PROS1: variants seen among roughly 807,000 people sequenced by gnomAD.
The protein encoded by PROS1 is vitamin K-dependent protein S.
PROS1 carries 29 observed loss-of-function variants against 75.9 expected under a neutral mutation model. The ratio of observed to expected loss-of-function variants is 0.38; its 90% CI spans 0.28 to 0.52. PROS1 has a LOEUF of 0.52. PROS1 is among the 20% of genes least tolerant of loss of function. The probability of loss-of-function intolerance (pLI) is 0.83; values close to 1 mark genes in which losing one functional copy is unlikely to be tolerated. For missense variants in PROS1, 680 were observed against 810.3 expected, an observed-to-expected ratio of 0.84 and a Z score of 1.95; for synonymous variants, 245 against 280.6, an observed-to-expected ratio of 0.87 and a Z score of 1.27.
At position 93,965,291 on chromosome 3, in the gene PROS1, C is replaced by T. The variant is rs139283875; in HGVS notation, c.76+8383G>A. On this transcript the variant is annotated intron_variant, in intron 1 of 14. Coordinates refer to ENST00000394236, the MANE Select transcript of PROS1 (RefSeq NM_000313.4). ...CTCGCCGTCCACAACTGCTGTTTGC[C>T]GCCGTCGCAGACCCGCTGCTGACTC... Among the ~76,000 whole-genome samples, 819 of 152,300 alleles carry T rather than the reference C, an allele frequency of 5.4e-3. 4 individuals are homozygous for T. Among genetic ancestry groups the T allele is most frequent in the Middle Eastern group, 0.014 (4 of 294 alleles).
chr3:93,898,783 C>CA (rs1223566107), intron 7 of PROS1, among the ~76,000 whole-genome samples: 2 of 151,612 alleles, frequency 1.3e-5, no homozygotes, highest in Non-Finnish European at 2.9e-5. Context: ...ATATTTGAAA[C>CA]AAAAATTAAT....
intron 1 of PROS1, among the ~76,000 whole-genome samples, chr3:93,958,025 T>G (rs1331350867): frequency 6.6e-6 from 1 of 151,710 alleles, no homozygotes; most frequent in African/African-American, 2.4e-5. Flanking sequence ...GAAGCGGAGG[T>G]TGCAGTGAGC....
chr3:93,956,010 T>C (rs187275344), intron 1 of PROS1, among the ~76,000 whole-genome samples: 57 of 152,288 alleles, frequency 3.7e-4, no homozygotes, highest in Admixed American at 2.1e-3. Context: ...TCAATTCCCA[T>C]GGTTTTGCTT....
chr3:93,899,157 T>C (rs1050436250), intron 7 of PROS1, among the ~76,000 whole-genome samples: 1 of 151,926 alleles, frequency 6.6e-6, no homozygotes, highest in Admixed American at 6.6e-5. Context: ...TGTTTTTTTT[T>C]TTTTAAAAAA....
chr3:93,938,428 C>A (rs190473709), intron 1 of PROS1, among the ~76,000 whole-genome samples: 1 of 152,150 alleles, frequency 6.6e-6, no homozygotes, highest in Admixed American at 6.5e-5. Flanking sequence ...TCTCTTCACA[C>A]GGACGCACAT....
chr3:93,954,480 A>T (rs1709564605), intron 1 of PROS1, among the ~76,000 whole-genome samples: 1 of 152,222 alleles, frequency 6.6e-6, no homozygotes, highest in Admixed American at 6.5e-5. Context: ...TGGGGAAAGG[A>T]TTCCCTATTT....
At chr3:93,941,568 C>T (rs951672494) in intron 1 of PROS1, among the ~76,000 whole-genome samples, 1 of 152,216 alleles carries the variant, frequency 6.6e-6, no homozygotes, top group African/African-American at 2.4e-5. Flanking sequence ...TTTGCCCACT[C>T]CTCTTTCCGT....
intron 1 of PROS1, among the ~76,000 whole-genome samples, chr3:93,944,168 G>C (rs1321197870): frequency 1.3e-5 from 2 of 152,098 alleles, no homozygotes; most frequent in Admixed American, 1.3e-4. Context: ...CTCCCATTTA[G>C]AAGAAAGACT....
chr3:93,963,311 T>C (rs1405496117), intron 1 of PROS1, among the ~76,000 whole-genome samples: 1 of 152,164 alleles, frequency 6.6e-6, no homozygotes, highest in Admixed American at 6.6e-5. Context: ...GTCTTTTCCA[T>C]TGAGCTATGT....
At chr3:93,969,912 T>G (rs1228521803) in intron 1 of PROS1, among the ~76,000 whole-genome samples, 2 of 152,190 alleles carry the variant, frequency 1.3e-5, no homozygotes, top group African/African-American at 4.8e-5. Flanking sequence ...AATATAAACT[T>G]GATGAACAGA....
chr3:93,971,030 A>C (rs534074018), intron 1 of PROS1, among the ~76,000 whole-genome samples: 1 of 151,984 alleles, frequency 6.6e-6, no homozygotes, highest in Admixed American at 6.6e-5. Context: ...AATCGTCCTT[A>C]GCTTTCTATG....
rs121918473 is a variant in PROS1 at position 93,898,524 on chromosome 3, T to C, written c.773A>G (p.Asn258Ser). The C allele has an allele frequency of 6.2e-7, 1 of 1,612,826 alleles. No individual in the cohort carries two copies. The part of the protein sequence containing the change: ...SENMCAQLCV[N>S]YPGGYTCYCD... Reference sequence around the variant, plus strand: ...ATAGCAAGTGTAACCTCCAGGGTAATTGACACAAAGCTGAGCACACATGTT... The same window carrying C: ...ATAGCAAGTGTAACCTCCAGGGTAACTGACACAAAGCTGAGCACACATGTT... The change falls in exon 8 of 15, where the codon AAT (asparagine) becomes AGT (serine). Residue 258 changes from asparagine to serine, a missense_variant. Coordinates refer to ENST00000394236, the MANE Select transcript of PROS1 (RefSeq NM_000313.4).
chr3:93,924,819 T>C (rs1331867746), intron 2 of PROS1, among the ~76,000 whole-genome samples: 1 of 152,028 alleles, frequency 6.6e-6, no homozygotes, highest in Admixed American at 6.6e-5. Flanking sequence ...CATGCCACCA[T>C]GCACAGCTGG....
chr3:93,904,580 T>G (rs1708646321), intron 6 of PROS1, among the ~76,000 whole-genome samples: 1 of 151,848 alleles, frequency 6.6e-6, no homozygotes, highest in East Asian at 1.9e-4. Flanking sequence ...AAATAAAGAG[T>G]CGAACAAGAA....
intron 8 of PROS1, 148 bp from the exon 9 acceptor site, chr3:93,896,839 T>A: frequency 6.3e-6 from 4 of 636,778 alleles, no homozygotes; most frequent in South Asian, 3.8e-5. Context: ...TTGGTAATAA[T>A]AAATACATAT....
chr3:93,963,690 A>G (rs1709742493), intron 1 of PROS1, among the ~76,000 whole-genome samples: 1 of 128,008 alleles, frequency 7.8e-6, no homozygotes, highest in African/African-American at 2.5e-5. Flanking sequence ...CCAGAATGGG[A>G]GCGCGAGCTA....
intron 13 of PROS1, 139 bp from the exon 14 acceptor site, chr3:93,877,330 GA>G (rs1708206450): frequency 1.7e-6 from 1 of 581,966 alleles, no homozygotes; most frequent in Non-Finnish European, 3.0e-6. Flanking sequence ...AAATTTAAGG[GA>G]AAAATCACTA....
chr3:93,911,456 C>T (rs1214143248), intron 3 of PROS1, among the ~76,000 whole-genome samples: 1 of 152,162 alleles, frequency 6.6e-6, no homozygotes, highest in Non-Finnish European at 1.5e-5. Flanking sequence ...TGGTGTTTTA[C>T]TTAGCTTTTG....
At position 93,876,017 on chromosome 3, in the gene PROS1, C is replaced by T. The variant is rs1576171456; in HGVS notation, c.1870+949G>A. 1.3e-5 allele frequency among the ~76,000 whole-genome samples: 2 copies of T among 152,312 alleles called. 1 individual carries two copies. Among genetic ancestry groups the T allele is most frequent in the East Asian group, 3.9e-4 (2 of 5,182 alleles). ...TTGGTAAATGGAATCTCCATCCATGCAACTGCTCATGCCAGATACCTAAAA... is the reference window on the plus strand; with the variant it reads ...TTGGTAAATGGAATCTCCATCCATGTAACTGCTCATGCCAGATACCTAAAA... On this transcript the variant is annotated intron_variant, in intron 14 of 14. Coordinates refer to ENST00000394236, the MANE Select transcript of PROS1 (RefSeq NM_000313.4).
Sources: gnomAD v4.1 joint callset for allele counts (sites outside exome capture counted in the v4.1 genomes callset) on GRCh38, gnomAD v4.1.1 for gene constraint, MANE v1.5 for transcripts, NCBI Gene and HGNC (gene_info 2026-07-23, HGNC 2026-07-21) for gene names.